Variants in ADAMTS12 observed in about 807,000 individuals in gnomAD.
The protein encoded by ADAMTS12 is A disintegrin and metalloproteinase with thrombospondin motifs 12.
ADAMTS12 carries 118 observed loss-of-function variants against 167.8 expected under a neutral mutation model. The observed-to-expected ratio is 0.70, with a 90% CI of 0.61 to 0.82. The LOEUF is 0.82. Among genes scored for constraint, ADAMTS12 ranks in the 40% least tolerant of loss-of-function variants. The pLI, the probability that ADAMTS12 is intolerant of heterozygous loss-of-function variation, is 0.00. For synonymous variants in ADAMTS12, 704 were observed against 716.9 expected (o/e 0.98, Z 0.29); for missense variants, 1,916 against 1,998.8 (o/e 0.96, Z 0.79).
At chr5:33,586,647 A>G (rs1168108261) in intron 18 of ADAMTS12, among the ~76,000 whole-genome samples, 1 of 152,272 alleles carries the variant, frequency 6.6e-6, no homozygotes, top group Non-Finnish European at 1.5e-5. Context: ...GTTGGCAATT[A>G]GTAAATTCTA....
chr5:33,590,249 G>C (rs1311525172), intron 17 of ADAMTS12, among the ~76,000 whole-genome samples: 1 of 152,206 alleles, frequency 6.6e-6, no homozygotes, highest in Non-Finnish European at 1.5e-5. Flanking sequence ...AGTGATAATA[G>C]ACGTTCTTGT....
chr5:33,641,146 T>C (rs1236390375), intron 11 of ADAMTS12, among the ~76,000 whole-genome samples: 1 of 152,002 alleles, frequency 6.6e-6, no homozygotes, highest in Non-Finnish European at 1.5e-5. Context: ...GTAATGTGTA[T>C]TTGGAAAACA....
chr5:33,617,695 T>C (rs1040925951), intron 14 of ADAMTS12, among the ~76,000 whole-genome samples: 2 of 152,170 alleles, frequency 1.3e-5, no homozygotes. Flanking sequence ...GGATGTTGCA[T>C]GCCTTTTCAT....
intron 23 of ADAMTS12, among the ~76,000 whole-genome samples, chr5:33,529,392 A>ATT (rs567756205): frequency 6.7e-6 from 1 of 148,886 alleles, no homozygotes; most frequent in African/African-American, 2.5e-5. Flanking sequence ...ATTCAATTAG[A>ATT]TTTTTTTTTT....
chr5:33,785,518 G>A (rs987669468), intron 2 of ADAMTS12, among the ~76,000 whole-genome samples: 3 of 152,004 alleles, frequency 2.0e-5, no homozygotes, highest in Non-Finnish European at 2.9e-5. Flanking sequence ...ACTACGAAAT[G>A]TGCAAAAGAT....
rs182055129 is a variant in ADAMTS12 at position 33,807,616 on chromosome 5, T to G, written c.490-56068A>C. Among the ~76,000 whole-genome samples the G allele has an allele frequency of 3.7e-4, 56 of 152,340 alleles. 1 individual carries two copies. The highest frequency in any genetic ancestry group is 2.4e-3 in the Admixed American group (36 of 15,304). ...ATTGTTTTCATAATCATTGGTTGGC[T>G]TGATTGTTGACTTTTCAGATTTAAA... On this transcript the variant is annotated intron_variant, in intron 2 of 23. Coordinates refer to ENST00000504830, the MANE Select transcript of ADAMTS12 (RefSeq NM_030955.4).
intron 9 of ADAMTS12, among the ~76,000 whole-genome samples, chr5:33,645,986 T>G (rs965174464): frequency 2.0e-5 from 3 of 152,104 alleles, no homozygotes; most frequent in South Asian, 2.1e-4. Flanking sequence ...GGATAGGATA[T>G]AAAAGAATTT....
intron 2 of ADAMTS12, among the ~76,000 whole-genome samples, chr5:33,826,556 A>G (rs1002984211): frequency 4.3e-5 from 6 of 138,516 alleles, no homozygotes; most frequent in African/African-American, 1.4e-4. Context: ...AAACAGAAAT[A>G]TGTTTATGTA....
chr5:33,833,701 A>C (rs1024700024), intron 2 of ADAMTS12, among the ~76,000 whole-genome samples: 7 of 152,230 alleles, frequency 4.6e-5, no homozygotes, highest in Non-Finnish European at 8.8e-5. Context: ...AAACCGTCCA[A>C]GCTTTTGTGA....
rs537399119 is a variant in ADAMTS12 at position 33,550,914 on chromosome 5, A to G, written c.4126-1531T>C. Among the ~76,000 whole-genome samples, 11 of 152,242 alleles carry G rather than the reference A, an allele frequency of 7.2e-5. No homozygotes were observed. The South Asian group carries it at 2.3e-3, about 32-fold the overall frequency. ...GAATTATGAGAAAATGCCAGCTGGG[A>G]GGGCTCCCAGTGGGCTAAAGAGATC... On this transcript the variant is annotated intron_variant, in intron 20 of 23. Transcript: ENST00000504830.
intron 7 of ADAMTS12, among the ~76,000 whole-genome samples, chr5:33,655,848 C>G (rs2112205935): frequency 6.6e-6 from 1 of 152,018 alleles, no homozygotes; most frequent in South Asian, 2.1e-4. Flanking sequence ...TGATGTTCCC[C>G]TCCCTGTGTT....
rs1561306819 is a variant in ADAMTS12, at chr5:33,849,481, C to CAGCAATATATATATATGTATTGCAT, written c.489+31613_489+31637dup. Among the ~76,000 whole-genome samples the CAGCAATATATATATATGTATTGCAT allele has an allele frequency of 4.1e-4, 21 of 51,284 alleles. 2 individuals carry two copies. Among genetic ancestry groups the CAGCAATATATATATATGTATTGCAT allele is most frequent in the African/African-American group, 1.8e-3 (9 of 4,934 alleles). 33.6% of individuals were successfully genotyped at this position (51,284 alleles called of 152,430 possible). On this transcript the variant is annotated intron_variant, in intron 2 of 23. Coordinates refer to ENST00000504830, the MANE Select transcript of ADAMTS12 (RefSeq NM_030955.4). ...CAGCAATATATATATATGTATTGCA[C>CAGCAATATATATATATGTATTGCAT]AGCAATATATATATATGTATTGCAT...
chr5:33,579,715 G>C (rs1010629469), intron 18 of ADAMTS12, among the ~76,000 whole-genome samples: 2 of 152,220 alleles, frequency 1.3e-5, no homozygotes, highest in African/African-American at 2.4e-5. Context: ...CCTGGAAACA[G>C]AGACAGCAGC....
At chr5:33,869,802 G>C (rs1749967490) in intron 2 of ADAMTS12, among the ~76,000 whole-genome samples, 1 of 152,194 alleles carries the variant, frequency 6.6e-6, no homozygotes, top group Admixed American at 6.5e-5. Flanking sequence ...AACAGGGTTT[G>C]AGAGCAGACA....
intron 2 of ADAMTS12, among the ~76,000 whole-genome samples, chr5:33,815,710 G>C (rs1300259338): frequency 6.6e-6 from 1 of 152,228 alleles, no homozygotes; most frequent in African/African-American, 2.4e-5. Context: ...AAATGAAGGA[G>C]AGAGGAGCGC....
chr5:33,885,842 C>T (rs1474431004), intron 1 of ADAMTS12, among the ~76,000 whole-genome samples: 1 of 152,156 alleles, frequency 6.6e-6, no homozygotes, highest in Non-Finnish European at 1.5e-5. Context: ...GACAGATCAA[C>T]AGGAGTGTTA....
chr5:33,566,196 T>C (rs1477970035), intron 19 of ADAMTS12, among the ~76,000 whole-genome samples: 1 of 152,154 alleles, frequency 6.6e-6, no homozygotes, highest in Non-Finnish European at 1.5e-5. Context: ...TGAATAGTGG[T>C]TCATGCCAAT....
At chr5:33,716,255 G>C (rs1743612973) in intron 3 of ADAMTS12, among the ~76,000 whole-genome samples, 1 of 152,074 alleles carries the variant, frequency 6.6e-6, no homozygotes, top group Non-Finnish European at 1.5e-5. Context: ...CATCTTTTAA[G>C]TCTGCCCTCA....
intron 14 of ADAMTS12, among the ~76,000 whole-genome samples, chr5:33,616,710 A>G (rs1739035340): frequency 1.3e-5 from 2 of 152,206 alleles, no homozygotes. Context: ...TTTCTTTTAT[A>G]TATCACTGAA....
Sources: gnomAD v4.1 joint callset for allele counts (sites outside exome capture counted in the v4.1 genomes callset) on GRCh38, gnomAD v4.1.1 for gene constraint, MANE v1.5 for transcripts, NCBI Gene and HGNC (gene_info 2026-07-23, HGNC 2026-07-21) for gene names.